CRYZL1: variants seen among roughly 807,000 people sequenced by gnomAD.
The protein encoded by CRYZL1 is crystallin zeta like 1.
Under a neutral mutation model 50.6 loss-of-function variants are expected in CRYZL1, and 34 were observed. The observed-to-expected ratio is 0.67, with a 90% CI of 0.51 to 0.89. CRYZL1 has a LOEUF of 0.89. Among genes scored for constraint, CRYZL1 ranks in the 40% least tolerant of loss-of-function variants. The probability of loss-of-function intolerance (pLI) is 0.00; values close to 1 mark genes in which losing one functional copy is unlikely to be tolerated. For missense variants in CRYZL1, 354 were observed against 402.3 expected, an observed-to-expected ratio of 0.88 and a Z score of 1.03; for synonymous variants, 125 against 134.3, an observed-to-expected ratio of 0.93 and a Z score of 0.48.
chr21:33,603,265 A>C (rs1349253237), intron 7 of CRYZL1, 139 bp downstream of exon 7: 1 of 998,850 alleles, frequency 1.0e-6, no homozygotes, highest in Non-Finnish European at 1.4e-6. Context: ...TGCTTATTAT[A>C]ACAAAATAGG....
chr21:33,622,220 A>G lies in CRYZL1; in HGVS notation c.145-152T>C. On this transcript the variant is annotated intron_variant, in intron 3 of 12. Coordinates refer to ENST00000381554, the MANE Select transcript of CRYZL1 (RefSeq NM_145858.3). ...GAGACAAAGCAAATAACTTCACAAA[A>G]TAGGTTTCTCTAAAGGGTAGGAAAC... 3 of 635,072 alleles carry G rather than the reference A, an allele frequency of 4.7e-6. No homozygotes were observed. The South Asian group carries it at 6.0e-5, about 13-fold the overall frequency. 39.3% of individuals were successfully genotyped at this position (635,072 alleles called of 1,614,324 possible). A position where few individuals can be genotyped will look rare whatever the true frequency, so the allele number is the denominator to read the frequency against.
chr21:33,599,643 T>TG (rs1601328117), intron 8 of CRYZL1, among the ~76,000 whole-genome samples: 2 of 148,280 alleles, frequency 1.3e-5, no homozygotes, highest in African/African-American at 4.9e-5. Flanking sequence ...AGTTTCTTTT[T>TG]TTTTTTCAGA....
At chr21:33,595,205 TGAC>T in intron 11 of CRYZL1, 1 of 1,121,856 alleles carries the variant, frequency 8.9e-7, no homozygotes, top group Non-Finnish European at 1.1e-6. Context: ...TATCTCTGAA[TGAC>T]TTTTGTTTCA....
At chr21:33,597,142 T>C (rs1431416603) in intron 10 of CRYZL1, 138 bp downstream of exon 10, 2 of 794,908 alleles carry the variant, frequency 2.5e-6, no homozygotes, top group East Asian at 5.2e-5. Context: ...AGTGCTGGAC[T>C]CATAGGTGTG....
At chr21:33,624,871 A>G in intron 2 of CRYZL1, 111 bp from the exon 3 acceptor site, 2 of 1,368,942 alleles carry the variant, frequency 1.5e-6, no homozygotes, top group African/African-American at 1.5e-5. Context: ...GACAGACCCT[A>G]AATCTCACAG....
At chr21:33,624,653 T>A in intron 3 of CRYZL1, 30 bp downstream of exon 3, 1 of 1,605,014 alleles carries the variant, frequency 6.2e-7, no homozygotes, top group Non-Finnish European at 8.5e-7. Context: ...ACTCTCATTT[T>A]ACTTTGTGCC....
rs149196291 is a variant in CRYZL1, at chr21:33,629,655, T to C, written c.66+1831A>G. ...GGTGGAGTCTGTAGGGTTTTCTATA[T>C]ATAAGATCACGTCATCTGCAAACAG... On this transcript the variant is annotated intron_variant, in intron 2 of 12. Transcript: ENST00000381554. Among the ~76,000 whole-genome samples the C allele has an allele frequency of 4.1e-3, 625 of 152,360 alleles. 4 individuals are homozygous for C. Among genetic ancestry groups the C allele is most frequent in the African/African-American group, 0.014 (601 of 41,588 alleles).
intron 1 of CRYZL1, among the ~76,000 whole-genome samples, chr21:33,638,181 A>T (rs2087232757): frequency 6.7e-6 from 1 of 148,776 alleles, no homozygotes; most frequent in Admixed American, 6.7e-5. Flanking sequence ...CAGGGTGTGG[A>T]GGATGGTAGT....
Position 33,589,768 on chromosome 21 carries a change from T to G in CRYZL1, c.*54A>C. Reference sequence around the variant, plus strand: ...TCTCAACAATTTCCAAAGAAAATTCTGGCTTCAAATACTGGAATATGTTCA... The same window carrying G: ...TCTCAACAATTTCCAAAGAAAATTCGGGCTTCAAATACTGGAATATGTTCA... On this transcript the variant is annotated 3_prime_UTR_variant, in exon 13 of 13. Coordinates refer to ENST00000381554, the MANE Select transcript of CRYZL1 (RefSeq NM_145858.3). 1 of 1,147,252 alleles carries G rather than the reference T, an allele frequency of 8.7e-7. No homozygotes were observed. Among genetic ancestry groups the G allele is most frequent in the East Asian group, 2.4e-5 (1 of 41,966 alleles). 71.1% of individuals were successfully genotyped at this position (1,147,252 alleles called of 1,614,324 possible).
At chr21:33,636,931 C>G (rs1382285247) in intron 1 of CRYZL1, among the ~76,000 whole-genome samples, 1 of 152,104 alleles carries the variant, frequency 6.6e-6, no homozygotes, top group African/African-American at 2.4e-5. Flanking sequence ...TTCAGCTTCC[C>G]GAGTAGCTGG....
intron 2 of CRYZL1, among the ~76,000 whole-genome samples, chr21:33,629,795 T>A (rs1053889826): frequency 6.6e-6 from 1 of 152,226 alleles, no homozygotes; most frequent in African/African-American, 2.4e-5. Context: ...AAAGTGGGCA[T>A]CCTTGCCTTG....
rs562133786 is a variant in CRYZL1, at chr21:33,600,440, C to T, written c.578-1192G>A. ...ATTTCCTTTCTCTATCTTTCAACAC[C>T]TTCTAGCTGAAGAGAATTCCTCTTA... is the stretch of plus-strand genomic sequence containing the variant. On this transcript the variant is annotated intron_variant, in intron 8 of 12. Transcript: ENST00000381554. Among the ~76,000 whole-genome samples, 6 of 152,182 alleles carry T rather than the reference C, an allele frequency of 3.9e-5. No individual in the cohort carries two copies. In the East Asian group the frequency reaches 1.2e-3, roughly 29 times the overall value.
At chr21:33,632,261 A>T (rs58656306) in intron 1 of CRYZL1, among the ~76,000 whole-genome samples, 1 of 151,840 alleles carries the variant, frequency 6.6e-6, no homozygotes, top group African/African-American at 2.4e-5. Context: ...AAACCTGGGA[A>T]GCATAGGTTG....
chr21:33,640,186 G>C (rs1205148616), intron 1 of CRYZL1: 1 of 1,547,414 alleles, frequency 6.5e-7, no homozygotes, highest in African/African-American at 1.4e-5. Context: ...TAGTTCATTG[G>C]GTCTACAAAA....
intron 11 of CRYZL1, chr21:33,595,491 G>A (rs753686386): frequency 4.6e-5 from 60 of 1,317,450 alleles, no homozygotes; most frequent in Non-Finnish European, 5.4e-5. Flanking sequence ...CTGCGTCCTT[G>A]AGTCTGTATC....
chr21:33,589,963 A>ATCTT, intron 12 of CRYZL1, 42 bp from the exon 13 acceptor site: 6 of 1,190,180 alleles, frequency 5.0e-6, no homozygotes, highest in Non-Finnish European at 7.4e-6. Context: ...CTAGTTAAAG[A>ATCTT]TAAGTAGAAC....
chr21:33,590,574 T>G (rs927362335), intron 12 of CRYZL1, among the ~76,000 whole-genome samples: 9 of 151,674 alleles, frequency 5.9e-5, no homozygotes, highest in African/African-American at 2.2e-4. Context: ...GCCACCACGC[T>G]CAGCGAATTT....
intron 10 of CRYZL1, among the ~76,000 whole-genome samples, chr21:33,596,867 CTTTT>C (rs1181986117): frequency 7.1e-6 from 1 of 140,644 alleles, no homozygotes. Context: ...AGATTTTTTT[CTTTT>C]TTTTTTTTTG....
intron 6 of CRYZL1, among the ~76,000 whole-genome samples, chr21:33,604,829 A>G (rs2086794591): frequency 6.6e-6 from 1 of 152,210 alleles, no homozygotes; most frequent in African/African-American, 2.4e-5. Flanking sequence ...AAATATTGTT[A>G]CACCGTGCAT....
Sources: gnomAD v4.1 joint callset for allele counts (sites outside exome capture counted in the v4.1 genomes callset) on GRCh38, gnomAD v4.1.1 for gene constraint, MANE v1.5 for transcripts, NCBI Gene and HGNC (gene_info 2026-07-23, HGNC 2026-07-21) for gene names.